Variants in SLC25A48 observed in about 807,000 individuals in gnomAD.
SLC25A48 encodes the protein CTC-321K16.1.
Under a neutral mutation model 32.2 loss-of-function variants are expected in SLC25A48, and 29 were observed. The ratio of observed to expected loss-of-function variants is 0.90; its 90% CI spans 0.67 to 1.23. The LOEUF is 1.23. SLC25A48 is among the 50% of genes most tolerant of loss of function. SLC25A48 has a pLI of 0.00. For missense variants in SLC25A48, 399 were observed against 422.7 expected, an observed-to-expected ratio of 0.94 and a Z score of 0.49; for synonymous variants, 164 against 172.3, an observed-to-expected ratio of 0.95 and a Z score of 0.38.
rs542525377 is a variant in SLC25A48 at position 135,629,223 on chromosome 5, T to C, written c.-848-14T>C. ...ACCGTTATAGCCTTTTTCTTTTTTC[T>C]TTTTCTTTTTTAGCAGCCCAGCTTA... is the stretch of plus-strand genomic sequence containing the variant. On this transcript the variant is annotated splice_polypyrimidine_tract_variant and intron_variant, in intron 1 of 10. Coordinates refer to the SLC25A48 transcript ENST00000646290. The surrounding 1 kb of genome is among the most constrained non-coding windows in gnomAD (Gnocchi z 4.8). The C allele has an allele frequency of 6.6e-6, 1 of 152,332 alleles. No homozygotes were observed. The highest frequency in any genetic ancestry group is 1.9e-4 in the East Asian group (1 of 5,180). The allele number at this position is 152,332 out of a possible 1,614,324, so 9.4% of individuals were successfully genotyped here. A position where few individuals can be genotyped will look rare whatever the true frequency, so the allele number is the denominator to read the frequency against.
chr5:135,735,364 A>G (rs1438162201), intron 3 of SLC25A48, among the ~76,000 whole-genome samples: 2 of 152,072 alleles, frequency 1.3e-5, no homozygotes, highest in Admixed American at 6.6e-5. Flanking sequence ...TAATGTCAGG[A>G]GCTGACTGGG....
At chr5:135,762,979 T>C (rs1444095952) in intron 3 of SLC25A48, among the ~76,000 whole-genome samples, 2 of 151,916 alleles carry the variant, frequency 1.3e-5, no homozygotes, top group Non-Finnish European at 2.9e-5. Context: ...TGTGTGCATG[T>C]GTATATGTGA....
rs1756649644 is a variant in SLC25A48, at chr5:135,779,005, AT to A, written c.-520-33517del. On this transcript the variant is annotated intron_variant, in intron 3 of 10. Coordinates refer to the SLC25A48 transcript ENST00000646290. ...CACATAATATACATCCCCCAGTGAT[AT>A]AGTTCTTAATATCCAGAGGGTCAAA... Among the ~76,000 whole-genome samples the A allele has an allele frequency of 3.9e-5, 6 of 151,922 alleles. No homozygotes were observed. In the South Asian group the frequency reaches 1.3e-3, roughly 32 times the overall value.
At chr5:135,855,274 T>G (rs1245536368) in intron 4 of SLC25A48, among the ~76,000 whole-genome samples, 1 of 152,144 alleles carries the variant, frequency 6.6e-6, no homozygotes, top group Non-Finnish European at 1.5e-5. Flanking sequence ...AACCTTCAAT[T>G]TGTAAAAAAT....
chr5:135,762,074 T>A (rs1008105555), intron 3 of SLC25A48, among the ~76,000 whole-genome samples: 5 of 152,196 alleles, frequency 3.3e-5, no homozygotes, highest in Admixed American at 2.0e-4. Context: ...GACAGAAGTT[T>A]CTGTAGAAAT....
chr5:135,715,973 G>T (rs926787568), intron 3 of SLC25A48, among the ~76,000 whole-genome samples: 11 of 152,180 alleles, frequency 7.2e-5, no homozygotes, highest in African/African-American at 2.7e-4. Flanking sequence ...GAATAAGTAG[G>T]TTCCTGTGAG....
At chr5:135,614,962 G>A (rs950713613) in intron 1 of SLC25A48, among the ~76,000 whole-genome samples, 3 of 152,126 alleles carry the variant, frequency 2.0e-5, no homozygotes, top group Admixed American at 6.5e-5. Context: ...CATGTAAGAC[G>A]TGCCTGCTTT....
chr5:135,605,373 C>G (rs1751911601), intron 1 of SLC25A48, among the ~76,000 whole-genome samples: 1 of 152,206 alleles, frequency 6.6e-6, no homozygotes, highest in African/African-American at 2.4e-5. Context: ...TTTGCATCTT[C>G]TGAGTGTGAG....
chr5:135,852,369 C>A (rs193209414), intron 3 of SLC25A48, among the ~76,000 whole-genome samples, 194 bp from the exon 4 acceptor site: 48 of 152,332 alleles, frequency 3.2e-4, no homozygotes, highest in African/African-American at 1.1e-3. Context: ...CTGCAGAAGC[C>A]GGGCTGTCCT....
chr5:135,638,293 C>T (rs550198568), intron 3 of SLC25A48, among the ~76,000 whole-genome samples: 5 of 151,934 alleles, frequency 3.3e-5, no homozygotes, highest in Admixed American at 6.6e-5. Flanking sequence ...GAGAAATAAC[C>T]GAAATTCTGT....
At chr5:135,601,408 C>T (rs545822177) in intron 1 of SLC25A48, among the ~76,000 whole-genome samples, 31 of 152,294 alleles carry the variant, frequency 2.0e-4, no homozygotes, top group Admixed American at 7.2e-4. Flanking sequence ...CTGGCCTTTC[C>T]TTAATTCTCA....
At chr5:135,635,293 G>A (rs1374637456) in intron 3 of SLC25A48, among the ~76,000 whole-genome samples, 1 of 152,210 alleles carries the variant, frequency 6.6e-6, no homozygotes, top group East Asian at 1.9e-4. Context: ...GAGAGGGATT[G>A]CTTGCCAGAT....
At chr5:135,812,426 T>A (rs1561504725) in intron 3 of SLC25A48, 1 of 152,230 alleles carries the variant, frequency 6.6e-6, no homozygotes, top group Non-Finnish European at 1.5e-5. Context: ...ATAGACAAAC[T>A]GTAGACAACA....
intron 4 of SLC25A48, among the ~76,000 whole-genome samples, chr5:135,858,995 G>C (rs182370427): frequency 1.3e-4 from 20 of 152,224 alleles, no homozygotes; most frequent in Admixed American, 1.2e-3. Context: ...TCACCAGGCA[G>C]TGTTTTCTGC....
chr5:135,878,913 A>G (rs188061204), intron 6 of SLC25A48, among the ~76,000 whole-genome samples: 7 of 151,860 alleles, frequency 4.6e-5, no homozygotes, highest in Middle Eastern at 3.4e-3. Flanking sequence ...TGCTCTCATC[A>G]TTTTCTGGGT....
At chr5:135,640,505 G>C (rs2521963) in intron 3 of SLC25A48, among the ~76,000 whole-genome samples, 2 of 151,806 alleles carry the variant, frequency 1.3e-5, no homozygotes, top group Non-Finnish European at 2.9e-5. Context: ...AAAACCTTCC[G>C]CATGATACAA....
At chr5:135,684,657 TG>T (rs1753975762) in intron 3 of SLC25A48, among the ~76,000 whole-genome samples, 1 of 152,208 alleles carries the variant, frequency 6.6e-6, no homozygotes, top group African/African-American at 2.4e-5. Flanking sequence ...TCACAGCAGC[TG>T]GGGGATCTGG....
chr5:135,620,246 G>T (rs1447120370), intron 1 of SLC25A48, among the ~76,000 whole-genome samples: 1 of 152,178 alleles, frequency 6.6e-6, no homozygotes, highest in South Asian at 2.1e-4. Context: ...CCCAGGAGAA[G>T]TCCTCAGATG....
At position 135,683,381 on chromosome 5, in the gene SLC25A48, C is replaced by G. The variant is rs888680909; in HGVS notation, c.-521+48425C>G. Among the ~76,000 whole-genome samples the G allele has an allele frequency of 2.0e-5, 3 of 152,174 alleles. No homozygotes were observed. In the South Asian group the frequency reaches 6.2e-4, roughly 32 times the overall value. Reference sequence around the variant, plus strand: ...CAGGATCTGCTCTCACTGGAAAGTCCCAATCCCAATCTCATCTTTTGCTAA... The same window carrying G: ...CAGGATCTGCTCTCACTGGAAAGTCGCAATCCCAATCTCATCTTTTGCTAA... On this transcript the variant is annotated intron_variant, in intron 3 of 10. Coordinates refer to the SLC25A48 transcript ENST00000646290.
Sources: gnomAD v4.1 joint callset for allele counts (sites outside exome capture counted in the v4.1 genomes callset) on GRCh38, gnomAD v4.1.1 for gene constraint, Gnocchi (gnomAD v3.1) non-coding constraint, MANE v1.5 for transcripts, NCBI Gene and HGNC (gene_info 2026-07-23, HGNC 2026-07-21) for gene names.